DNAH2: variants seen among roughly 807,000 people sequenced by gnomAD.
The protein encoded by DNAH2 is axonemal beta dynein heavy chain 2.
Under a neutral mutation model 523.5 loss-of-function variants are expected in DNAH2, and 323 were observed. That is an observed-to-expected ratio of 0.62 (90% CI 0.56 to 0.68). The LOEUF (loss-of-function observed/expected upper bound fraction) is 0.68, where lower values mean the gene tolerates loss of function less well. Ranked by LOEUF, DNAH2 falls within the 30% of genes least tolerant of loss-of-function variation. The pLI is 0.00. For missense variants in DNAH2, 4,907 were observed against 5,701.5 expected (o/e 0.86, Z 4.49); for synonymous variants, 2,093 against 2,177.4 (o/e 0.96, Z 1.08).
chr17:7,766,519 T>A (rs771906881), intron 22 of DNAH2, 38 bp downstream of exon 22: 3 of 1,603,676 alleles, frequency 1.9e-6, no homozygotes, highest in Middle Eastern at 1.8e-4. Context: ...TCACTGTCGA[T>A]AAGGGGCAGG....
chr17:7,722,964 CTTTTTT>C (rs559136734), intron 2 of DNAH2, among the ~76,000 whole-genome samples: 1 of 114,698 alleles, frequency 8.7e-6, no homozygotes, highest in Non-Finnish European at 1.7e-5. Flanking sequence ...CTTTTCTTTC[CTTTTTT>C]TTTTTTTTTT....
chr17:7,749,308 C>CAAAAAAAAAAAAA (rs57660603), intron 12 of DNAH2, among the ~76,000 whole-genome samples: 408 of 17,794 alleles, frequency 0.023, 111 homozygotes, highest in Non-Finnish European at 0.026. Flanking sequence ...AACTCCCCCC[C>CAAAAAAAAAAAAA]AAAAAAAAAA....
intron 35 of DNAH2, 41 bp from the exon 36 acceptor site, chr17:7,779,202 G>A (rs1339886629): frequency 1.2e-6 from 2 of 1,601,844 alleles, no homozygotes; most frequent in South Asian, 1.1e-5. Context: ...AGCCTCTTGG[G>A]GCACCTCTCG....
intron 56 of DNAH2, among the ~76,000 whole-genome samples, chr17:7,799,529 C>T (rs981707278): frequency 7.2e-5 from 11 of 152,296 alleles, no homozygotes; most frequent in African/African-American, 2.4e-4. Flanking sequence ...AAAACACACA[C>T]ACACAGGCCG....
chr17:7,762,885 C>CAA (rs1219975709), intron 18 of DNAH2, among the ~76,000 whole-genome samples: 1 of 144,756 alleles, frequency 6.9e-6, no homozygotes, highest in East Asian at 2.0e-4. Flanking sequence ...AACCGAGACT[C>CAA]AAACAGTTAA....
At chr17:7,726,089 T>G (rs1356970388) in intron 3 of DNAH2, among the ~76,000 whole-genome samples, 1 of 152,122 alleles carries the variant, frequency 6.6e-6, no homozygotes, top group Non-Finnish European at 1.5e-5. Context: ...CACTGCAACC[T>G]CTGCCTCCCG....
At position 7,833,571 on chromosome 17, in the gene DNAH2, G is replaced by A; in HGVS notation, c.*38G>A. On this transcript the variant is annotated 3_prime_UTR_variant, in exon 86 of 86. Transcript: ENST00000572933. The stretch of plus-strand genomic sequence containing the variant: ...TTCTCCGCTTGAGAGAGAGGGTCAG[G>A]GACTCCAGGAGCTAAGACAGATGTT... The A allele has an allele frequency of 6.2e-7, 1 of 1,608,840 alleles. No individual in the cohort carries two copies. Among genetic ancestry groups the A allele is most frequent in the South Asian group, 1.1e-5 (1 of 91,032 alleles).
chr17:7,758,462 C>A (rs754917434), intron 13 of DNAH2, 33 bp from the exon 14 acceptor site: 1 of 1,597,360 alleles, frequency 6.3e-7, no homozygotes, highest in South Asian at 1.1e-5. Flanking sequence ...CAGGGCTTGT[C>A]CCCTCTGGAT....
chr17:7,809,748 A>G (rs1326677802), intron 63 of DNAH2, among the ~76,000 whole-genome samples: 1 of 152,076 alleles, frequency 6.6e-6, no homozygotes, highest in Non-Finnish European at 1.5e-5. Context: ...CACACTTGAG[A>G]ACCCCTAAGT....
rs2077846187 is a variant in DNAH2, at chr17:7,821,275, A to G, written c.11048A>G (p.Lys3683Arg). Residue 3683 changes from lysine (K) to arginine (R), a missense_variant, in exon 73 of 86, where the codon AAA becomes AGA. Physicochemically the swap from Lys to Arg is conservative, Grantham distance 26. Around this residue, in one of 3 missense-constraint regions of DNAH2, gnomAD observed 1,851 missense variants for 2,139.4 expected, o/e 0.87. Transcript: ENST00000572933. The surrounding 1 kb of genome is among the most constrained non-coding windows in gnomAD (Gnocchi z 5.0). The stretch of plus-strand genomic sequence containing the variant: ...TGCCGTACCCTTTTCGAACGCCACA[A>G]ACTACTATTCAGTTTTCATATGTGT... ...YTCRTLFERH[K>R]LLFSFHMCAK... 6.2e-7 allele frequency: 1 copy of G among 1,613,718 alleles called. No individual in the cohort carries two copies. Among genetic ancestry groups the G allele is most frequent in the African/African-American group, 1.3e-5 (1 of 74,976 alleles).
intron 12 of DNAH2, among the ~76,000 whole-genome samples, chr17:7,755,139 T>C (rs898366527): frequency 3.9e-5 from 6 of 152,218 alleles, no homozygotes; most frequent in Non-Finnish European, 8.8e-5. Flanking sequence ...TTCTGTGATA[T>C]AGGAGGTGAG....
At position 7,817,291 on chromosome 17, in the gene DNAH2, G is replaced by C. The variant is rs575442215; in HGVS notation, c.9896G>C (p.Gly3299Ala). Residue 3299 changes from glycine to alanine, a missense_variant and splice_region_variant, in exon 65 of 86, where the codon GGC (glycine) becomes GCC (alanine). Gly to Ala is a moderately conservative substitution (Grantham distance 60). This residue lies in a region of DNAH2 where 1,851 missense variants were observed against 2,139.4 expected (regional missense o/e 0.87). Transcript: ENST00000572933. ...CTTACCCTCCCTCCTGTCCGCCAGG[G>C]CCTGGAGGAGGACCTGGGCTACCTG... is the stretch of plus-strand genomic sequence containing the variant. ...EKARWEETVQ[G>A]LEEDLGYLVG... 1 of 1,594,524 alleles carries C rather than the reference G, an allele frequency of 6.3e-7. No homozygotes were observed. The highest frequency in any genetic ancestry group is 1.4e-5 in the African/African-American group (1 of 73,636).
Position 7,816,706 on chromosome 17 carries a change from G to A in DNAH2, c.9865G>A (p.Glu3289Lys), listed in dbSNP as rs772880394. ...GATGCTCGTGTCGGGGTTGGCTGGC[G>A]AGAAGGCCAGATGGGAGGAGACAGT... The part of the protein sequence containing the change: ...AGMLVSGLAG[E>K]KARWEETVQG... Residue 3289 changes from glutamate (E) to lysine (K), a missense_variant, in exon 64 of 86, where the codon GAG becomes AAG. Transcript: ENST00000572933. 3.7e-6 allele frequency: 6 copies of A among 1,613,962 alleles called. No homozygotes were observed. Among genetic ancestry groups the A allele is most frequent in the African/African-American group, 1.3e-5 (1 of 74,914 alleles).
In DNAH2 at chr17:7,832,439, G is replaced by C. The variant is rs2078205850; in HGVS notation, c.12727-140G>C. On this transcript the variant is annotated intron_variant, in intron 82 of 85. Coordinates refer to ENST00000572933, the MANE Select transcript of DNAH2 (RefSeq NM_020877.5). The surrounding 1 kb of genome is among the most constrained non-coding windows in gnomAD (Gnocchi z 4.3). Reference sequence around the variant, plus strand: ...GCAGGAGAATAGCTTAACTTGGGAGGTGGAGGTTGCAGTGAGCCAAGATCG... The same window carrying C: ...GCAGGAGAATAGCTTAACTTGGGAGCTGGAGGTTGCAGTGAGCCAAGATCG... The C allele has an allele frequency of 1.0e-6, 1 of 975,340 alleles. No homozygotes were observed. The highest frequency in any genetic ancestry group is 1.5e-6 in the Non-Finnish European group (1 of 656,962). 60.4% of individuals were successfully genotyped at this position (975,340 alleles called of 1,614,324 possible). A position where few individuals can be genotyped will look rare whatever the true frequency, so the allele number is the denominator to read the frequency against.
rs1362123837 is a variant in DNAH2 at position 7,812,815 on chromosome 17, C to T, written c.9730-3756C>T. On this transcript the variant is annotated intron_variant, in intron 63 of 85. Transcript: ENST00000572933. ...AAAAAAAGCTGGGCGTGGTGGTGGG[C>T]ACCTGTAATCCTAGCTACTAGGGAG... is the stretch of plus-strand genomic sequence containing the variant. Among the ~76,000 whole-genome samples the T allele has an allele frequency of 3.6e-5, 5 of 140,132 alleles. No homozygotes were observed. In the Admixed American group the frequency reaches 3.7e-4, roughly 10 times the overall value. 91.9% of individuals were successfully genotyped at this position (140,132 alleles called of 152,430 possible). A position where few individuals can be genotyped will look rare whatever the true frequency, so the allele number is the denominator to read the frequency against.
chr17:7,762,242 C>T (rs547775096), intron 18 of DNAH2, among the ~76,000 whole-genome samples: 6 of 152,024 alleles, frequency 3.9e-5, no homozygotes, highest in African/African-American at 1.2e-4. Context: ...GGATATCACA[C>T]GCCAGGGCAG....
Position 7,770,583 on chromosome 17 carries a change from G to C in DNAH2, c.4125G>C (p.Trp1375Cys). The change falls in exon 26 of 86, where the codon TGG (tryptophan) becomes TGC (cysteine). Residue 1375 changes from tryptophan (W) to cysteine (C), a missense_variant. By Grantham distance (215) the Trp-to-Cys change is radical. Around this residue, in one of 3 missense-constraint regions of DNAH2, gnomAD observed 2,806 missense variants for 3,190.8 expected, o/e 0.88. Coordinates refer to ENST00000572933, the MANE Select transcript of DNAH2 (RefSeq NM_020877.5). Reference protein sequence around the residue: ...EVALQNIAKTWDVTQLDIVPY... With the variant: ...EVALQNIAKTCDVTQLDIVPY... ...CTTTACAAAACATTGCCAAGACCTGGGATGTGACTCAGCTCGACATAGTAC... is the reference window on the plus strand; with the variant it reads ...CTTTACAAAACATTGCCAAGACCTGCGATGTGACTCAGCTCGACATAGTAC... The C allele has an allele frequency of 6.2e-7, 1 of 1,614,108 alleles. No homozygotes were observed. The highest frequency in any genetic ancestry group is 8.5e-7 in the Non-Finnish European group (1 of 1,180,022).
At chr17:7,738,162 T>C in intron 8 of DNAH2, 1 of 701,102 alleles carries the variant, frequency 1.4e-6, no homozygotes, top group Non-Finnish European at 2.6e-6. Context: ...TCAACTCCCT[T>C]GTCAGCCCTG....
intron 63 of DNAH2, among the ~76,000 whole-genome samples, chr17:7,814,200 A>C (rs1279263897): frequency 6.6e-6 from 1 of 151,578 alleles, no homozygotes; most frequent in East Asian, 1.9e-4. Flanking sequence ...AAAAAAAAAA[A>C]AAAACAGATA....
Sources: gnomAD v4.1 joint callset for allele counts (sites outside exome capture counted in the v4.1 genomes callset) on GRCh38, gnomAD v4.1.1 for gene constraint, gnomAD v4.1.1 regional missense constraint, Gnocchi (gnomAD v3.1) non-coding constraint, MANE v1.5 for transcripts, NCBI Gene and HGNC (gene_info 2026-07-23, HGNC 2026-07-21) for gene names.